Variants in XYLT1 observed in about 807,000 individuals in gnomAD.
XYLT1 encodes beta-D-xylosyltransferase 1.
A neutral mutation model predicts 91.3 loss-of-function variants in XYLT1; 36 were observed. The observed-to-expected ratio is 0.39, with a 90% CI of 0.30 to 0.52. The LOEUF is 0.52. Ranked by LOEUF, XYLT1 falls within the 20% of genes least tolerant of loss-of-function variation. The pLI is 0.68. For missense variants in XYLT1, 1,242 were observed against 1,284.5 expected (o/e 0.97, Z 0.51); for synonymous variants, 588 against 532.0 (o/e 1.11, Z -1.45).
chr16:17,168,936 C>T (rs1001124453), intron 5 of XYLT1, among the ~76,000 whole-genome samples: 1 of 152,180 alleles, frequency 6.6e-6, no homozygotes, highest in African/African-American at 2.4e-5. Flanking sequence ...TTGTTTGTGA[C>T]CCGGCACTGC....
chr16:17,161,675 GCGCT>G (rs910349166), intron 5 of XYLT1, among the ~76,000 whole-genome samples: 262 of 94,614 alleles, frequency 2.8e-3, no homozygotes, highest in African/African-American at 8.8e-3. Context: ...AGTTTCTCGC[GCGCT>G]CTCTCTCTCT....
chr16:17,115,794 T>A (rs1283541751), intron 11 of XYLT1, among the ~76,000 whole-genome samples: 1 of 58,618 alleles, frequency 1.7e-5, no homozygotes, highest in African/African-American at 7.4e-5. Flanking sequence ...CCAACCTCTG[T>A]TATATTAAAA....
At chr16:17,300,306 G>A (rs1425973055) in intron 2 of XYLT1, among the ~76,000 whole-genome samples, 1 of 152,130 alleles carries the variant, frequency 6.6e-6, no homozygotes, top group African/African-American at 2.4e-5. Flanking sequence ...AAAATGATAT[G>A]CGTGTAGGGA....
intron 1 of XYLT1, among the ~76,000 whole-genome samples, chr16:17,366,075 T>C (rs2035450919): frequency 7.1e-6 from 1 of 139,994 alleles, no homozygotes; most frequent in Non-Finnish European, 1.5e-5. Context: ...TTTTTTTTTT[T>C]TTTGGCCTGC....
intron 2 of XYLT1, among the ~76,000 whole-genome samples, chr16:17,343,644 A>AT (rs1166447370): frequency 6.6e-6 from 1 of 151,934 alleles, no homozygotes; most frequent in Non-Finnish European, 1.5e-5. Context: ...ATTATGTTTT[A>AT]TTTTTTTGTA....
chr16:17,375,389 G>A (rs952575242), intron 1 of XYLT1, among the ~76,000 whole-genome samples: 4 of 151,118 alleles, frequency 2.6e-5, no homozygotes, highest in Non-Finnish European at 5.9e-5. Context: ...ATTGTTAACC[G>A]GCCCATCCAA....
chr16:17,436,764 T>A (rs1221049388), intron 1 of XYLT1, among the ~76,000 whole-genome samples: 4 of 152,184 alleles, frequency 2.6e-5, no homozygotes, highest in African/African-American at 7.2e-5. Context: ...GAAACACAAT[T>A]TACATCTCCA....
intron 1 of XYLT1, among the ~76,000 whole-genome samples, chr16:17,381,546 C>T (rs1011433633): frequency 1.9e-4 from 29 of 151,358 alleles, no homozygotes; most frequent in Non-Finnish European, 4.4e-5. Context: ...TCTCCTGCCT[C>T]AGCCTCCTGA....
intron 2 of XYLT1, among the ~76,000 whole-genome samples, chr16:17,298,423 G>A (rs932301862): frequency 2.0e-5 from 3 of 152,196 alleles, no homozygotes; most frequent in Non-Finnish European, 4.4e-5. Flanking sequence ...TTTTACAGAT[G>A]AGGAAGATGA....
intron 2 of XYLT1, among the ~76,000 whole-genome samples, chr16:17,279,890 C>T (rs530704682): frequency 2.6e-5 from 4 of 152,330 alleles, no homozygotes; most frequent in Admixed American, 1.3e-4. Context: ...CACAATCTTC[C>T]GTGGCACTGC....
intron 2 of XYLT1, among the ~76,000 whole-genome samples, chr16:17,332,573 C>CAT (rs2034915918): frequency 2.3e-5 from 2 of 85,274 alleles, no homozygotes; most frequent in African/African-American, 8.3e-5. Context: ...CACATACACA[C>CAT]ACACACACAC....
At chr16:17,146,205 A>C (rs963467286) in intron 6 of XYLT1, among the ~76,000 whole-genome samples, 1 of 151,736 alleles carries the variant, frequency 6.6e-6, no homozygotes, top group African/African-American at 2.4e-5. Context: ...CTGCATGAGC[A>C]GAAAACCCAC....
At chr16:17,251,057 G>A (rs1241790733) in intron 3 of XYLT1, 2 of 152,130 alleles carry the variant, frequency 1.3e-5, no homozygotes, top group African/African-American at 4.8e-5. Flanking sequence ...TCTAGAAGCC[G>A]GCTACTCACG....
At chr16:17,249,041 C>T (rs1375727295) in intron 3 of XYLT1, among the ~76,000 whole-genome samples, 8 of 151,968 alleles carry the variant, frequency 5.3e-5, no homozygotes, top group Non-Finnish European at 1.2e-4. Flanking sequence ...TTTTAATGAT[C>T]GTTTACCCCT....
intron 3 of XYLT1, among the ~76,000 whole-genome samples, chr16:17,237,998 C>G (rs144678867): frequency 6.6e-5 from 10 of 152,324 alleles, no homozygotes; most frequent in African/African-American, 2.4e-4. Flanking sequence ...GCCATTCCAC[C>G]TTCACTTAGC....
At chr16:17,113,045 G>A (rs1179507710) in intron 11 of XYLT1, among the ~76,000 whole-genome samples, 1 of 151,846 alleles carries the variant, frequency 6.6e-6, no homozygotes, top group African/African-American at 2.4e-5. Context: ...CTCCACGTTG[G>A]TCAGGCTGGT....
chr16:17,403,424 A>G (rs1037266500), intron 1 of XYLT1: 2 of 152,302 alleles, frequency 1.3e-5, no homozygotes, highest in Non-Finnish European at 2.9e-5. Flanking sequence ...TTTATCAAGA[A>G]AAAAAGGTTT....
At chr16:17,431,289 G>T (rs1284871500) in intron 1 of XYLT1, among the ~76,000 whole-genome samples, 1 of 152,148 alleles carries the variant, frequency 6.6e-6, no homozygotes, top group Non-Finnish European at 1.5e-5. Context: ...AACTTCACGT[G>T]CACATCTATC....
At chr16:17,465,330 A>C (rs1464963432) in intron 1 of XYLT1, among the ~76,000 whole-genome samples, 1 of 151,896 alleles carries the variant, frequency 6.6e-6, no homozygotes, top group Non-Finnish European at 1.5e-5. Context: ...AAGCAGCTTC[A>C]CTTCTTTGAG....
Sources: gnomAD v4.1 joint callset for allele counts (sites outside exome capture counted in the v4.1 genomes callset) on GRCh38, gnomAD v4.1.1 for gene constraint, MANE v1.5 for transcripts, NCBI Gene and HGNC (gene_info 2026-07-23, HGNC 2026-07-21) for gene names.